SLC4A4: variants seen among roughly 807,000 people sequenced by gnomAD.
SLC4A4 encodes the protein electrogenic sodium bicarbonate cotransporter 1.
In SLC4A4, 27 loss-of-function variants were observed where a neutral mutation model predicts 111.5. The ratio of observed to expected loss-of-function variants is 0.24; its 90% CI spans 0.18 to 0.33. The LOEUF is 0.33. Among genes scored for constraint, SLC4A4 ranks in the 10% least tolerant of loss-of-function variants. The probability of loss-of-function intolerance (pLI) is 1.00; values close to 1 mark genes in which losing one functional copy is unlikely to be tolerated. For missense variants in SLC4A4, 909 were observed against 1,315.5 expected (o/e 0.69, Z 4.78); for synonymous variants, 443 against 463.4 (o/e 0.96, Z 0.57).
intron 1 of SLC4A4, among the ~76,000 whole-genome samples, chr4:71,226,280 G>A (rs1050098236): frequency 6.6e-6 from 1 of 152,200 alleles, no homozygotes. Flanking sequence ...TAGTAGCTGG[G>A]ACTTTAGGCA....
intron 16 of SLC4A4, among the ~76,000 whole-genome samples, chr4:71,504,377 CTT>C (rs564146991): frequency 2.8e-4 from 43 of 152,106 alleles, no homozygotes; most frequent in African/African-American, 9.6e-4. Context: ...TTCAGGAACT[CTT>C]TCATCTTCTT....
intron 1 of SLC4A4, among the ~76,000 whole-genome samples, chr4:71,066,887 T>A (rs1226458502): frequency 2.0e-5 from 3 of 152,198 alleles, no homozygotes; most frequent in Non-Finnish European, 2.9e-5. Flanking sequence ...TTTTGGCTTG[T>A]GCTGGGAGGG....
At chr4:71,233,353 T>A (rs2149034294) in intron 1 of SLC4A4, 1 of 979,242 alleles carries the variant, frequency 1.0e-6, no homozygotes, top group Non-Finnish European at 1.2e-6. Context: ...ACATTGGTGA[T>A]CATGACCAAA....
At chr4:71,552,350 TACACAC>T (rs376469983) in intron 20 of SLC4A4, among the ~76,000 whole-genome samples, 13 of 150,678 alleles carry the variant, frequency 8.6e-5, no homozygotes, top group Non-Finnish European at 1.6e-4. Flanking sequence ...CATTCACATG[TACACAC>T]ACACACACAT....
At chr4:71,334,266 C>A (rs189905336) in intron 3 of SLC4A4, among the ~76,000 whole-genome samples, 114 of 152,126 alleles carry the variant, frequency 7.5e-4, no homozygotes, top group Non-Finnish European at 1.4e-3. Context: ...ACTTTCAAAG[C>A]AGGAGGTTCC....
chr4:71,428,814 A>C (rs192355976), intron 7 of SLC4A4, among the ~76,000 whole-genome samples: 4 of 152,204 alleles, frequency 2.6e-5, no homozygotes, highest in African/African-American at 9.6e-5. Context: ...TGGAGGGGAA[A>C]AAATAATGTA....
At chr4:71,073,755 G>C (rs1017737457) in intron 1 of SLC4A4, among the ~76,000 whole-genome samples, 1 of 152,078 alleles carries the variant, frequency 6.6e-6, no homozygotes, top group African/African-American at 2.4e-5. Context: ...AAAAAATGCT[G>C]TATAAATACT....
chr4:71,426,309 G>A (rs985052229), intron 7 of SLC4A4, among the ~76,000 whole-genome samples: 2 of 152,048 alleles, frequency 1.3e-5, no homozygotes, highest in African/African-American at 4.8e-5. Flanking sequence ...CCAAGAGGAG[G>A]GGTCCATTTA....
At chr4:71,293,559 A>T (rs1454561236) in intron 3 of SLC4A4, among the ~76,000 whole-genome samples, 1 of 152,060 alleles carries the variant, frequency 6.6e-6, no homozygotes, top group African/African-American at 2.4e-5. Context: ...TCTAAAAAAA[A>T]AAAAAAATCC....
intron 1 of SLC4A4, chr4:71,233,155 T>C (rs556680674): frequency 2.5e-6 from 1 of 405,654 alleles, no homozygotes; most frequent in East Asian, 1.6e-4. Context: ...TGTGATTGCA[T>C]TAGGCACCTT....
intron 3 of SLC4A4, among the ~76,000 whole-genome samples, chr4:71,316,060 T>C (rs1002407659): frequency 1.3e-5 from 2 of 152,158 alleles, no homozygotes; most frequent in African/African-American, 4.8e-5. Context: ...GGAGGTAGCA[T>C]ACTGCTGGCA....
In SLC4A4 at chr4:71,262,762, C is replaced by CT. The variant is rs915532964; in HGVS notation, c.253+7374dup. ...TTAAATAACAAACAAACAAACAATCCTTTTTTTTTTTCTAGCAAACAGTAT... is the reference window on the plus strand; with the variant it reads ...TTAAATAACAAACAAACAAACAATCCTTTTTTTTTTTTCTAGCAAACAGTAT... On this transcript the variant is annotated intron_variant, in intron 3 of 25. Coordinates refer to ENST00000264485, the MANE Select transcript of SLC4A4 (RefSeq NM_001098484.3). Among the ~76,000 whole-genome samples the CT allele has an allele frequency of 5.8e-3, 847 of 146,714 alleles. 4 individuals carry two copies. Among genetic ancestry groups the CT allele is most frequent in the African/African-American group, 0.011 (453 of 40,242 alleles).
chr4:71,216,097 C>T (rs917878973), intron 1 of SLC4A4, among the ~76,000 whole-genome samples: 1 of 151,640 alleles, frequency 6.6e-6, no homozygotes, highest in African/African-American at 2.4e-5. Context: ...TTAGTAGAGA[C>T]GGGGTTTCAC....
chr4:71,362,752 A>G (rs528270830), intron 6 of SLC4A4, among the ~76,000 whole-genome samples: 97 of 152,256 alleles, frequency 6.4e-4, no homozygotes, highest in South Asian at 2.3e-3. Context: ...GTCCTAAATC[A>G]CACTGGAAAT....
At chr4:71,319,230 A>G (rs1485490127) in intron 3 of SLC4A4, among the ~76,000 whole-genome samples, 2 of 151,984 alleles carry the variant, frequency 1.3e-5, no homozygotes, top group South Asian at 2.1e-4. Context: ...TCTGTGAACC[A>G]TCGTGCATAT....
chr4:71,287,237 C>A (rs1723984197), intron 3 of SLC4A4, among the ~76,000 whole-genome samples: 1 of 152,158 alleles, frequency 6.6e-6, no homozygotes, highest in Admixed American at 6.5e-5. Context: ...CAGAAAGCAA[C>A]AGGGAGATCT....
intron 6 of SLC4A4, among the ~76,000 whole-genome samples, chr4:71,370,095 C>T (rs1018813019): frequency 6.6e-6 from 1 of 152,120 alleles, no homozygotes; most frequent in African/African-American, 2.4e-5. Flanking sequence ...ATAAAAGTTA[C>T]AAATACTAAA....
At chr4:71,277,444 T>C (rs2579319) in intron 3 of SLC4A4, among the ~76,000 whole-genome samples, 6,398 of 152,158 alleles carry the variant, frequency 0.042, 391 homozygotes, top group African/African-American at 0.13. Flanking sequence ...TTTGGTGAAA[T>C]GTCTCTTTAT....
chr4:71,406,645 CTTT>C (rs58765854), intron 7 of SLC4A4, among the ~76,000 whole-genome samples: 15 of 140,206 alleles, frequency 1.1e-4, no homozygotes, highest in Admixed American at 1.4e-4. Flanking sequence ...AACAATGATT[CTTT>C]TTTTTTTTTT....
Sources: gnomAD v4.1 joint callset for allele counts (sites outside exome capture counted in the v4.1 genomes callset) on GRCh38, gnomAD v4.1.1 for gene constraint, MANE v1.5 for transcripts, NCBI Gene and HGNC (gene_info 2026-07-23, HGNC 2026-07-21) for gene names.